Variants in CSNK1G3 observed in about 807,000 individuals in gnomAD.
The protein encoded by CSNK1G3 is casein kinase I isoform gamma-3.
CSNK1G3 carries 23 observed loss-of-function variants against 64.3 expected under a neutral mutation model. The observed-to-expected ratio is 0.36, with a 90% CI of 0.26 to 0.51. The LOEUF (loss-of-function observed/expected upper bound fraction) is 0.51, where lower values mean the gene tolerates loss of function less well. Ranked by LOEUF, CSNK1G3 falls within the 20% of genes least tolerant of loss-of-function variation. The probability of loss-of-function intolerance (pLI) is 0.96; values close to 1 mark genes in which losing one functional copy is unlikely to be tolerated. For missense variants in CSNK1G3, 357 were observed against 510.5 expected (o/e 0.70, Z 2.90); for synonymous variants, 158 against 162.2 (o/e 0.97, Z 0.20).
intron 10 of CSNK1G3, among the ~76,000 whole-genome samples, chr5:123,599,579 A>C (rs1399241844): frequency 6.6e-6 from 1 of 152,238 alleles, no homozygotes; most frequent in Non-Finnish European, 1.5e-5. Flanking sequence ...CTATTGTCTC[A>C]ATTACATTAA....
At chr5:123,564,820 G>A (rs1786509895) in intron 4 of CSNK1G3, among the ~76,000 whole-genome samples, 1 of 152,090 alleles carries the variant, frequency 6.6e-6, no homozygotes, top group South Asian at 2.1e-4. Context: ...GTCTTTTAAT[G>A]GAAGGACTGT....
intron 1 of CSNK1G3, among the ~76,000 whole-genome samples, chr5:123,533,635 T>G (rs1780314055): frequency 6.6e-6 from 1 of 151,684 alleles, no homozygotes; most frequent in South Asian, 2.1e-4. Context: ...AATATTAGGA[T>G]TATTCCCCCA....
intron 10 of CSNK1G3, 34 bp downstream of exon 11, chr5:123,595,168 C>T (rs150847759): frequency 6.3e-7 from 1 of 1,583,354 alleles, no homozygotes; most frequent in East Asian, 2.2e-5. Flanking sequence ...TGATTATTAC[C>T]CAGATTTATA....
At chr5:123,573,371 A>G in intron 4 of CSNK1G3, 22 bp from the exon 5 acceptor site, 2 of 1,609,836 alleles carry the variant, frequency 1.2e-6, no homozygotes, top group Non-Finnish European at 1.7e-6. Flanking sequence ...AAATTATTAA[A>G]TGAGTATTTC....
intron 10 of CSNK1G3, among the ~76,000 whole-genome samples, chr5:123,592,561 A>G (rs1483982993): frequency 2.6e-5 from 4 of 151,956 alleles, no homozygotes; most frequent in Non-Finnish European, 2.9e-5. Context: ...TTCTCTTACA[A>G]TCCATTTTGG....
intron 1 of CSNK1G3, among the ~76,000 whole-genome samples, chr5:123,513,072 A>G (rs972744339): frequency 4.6e-5 from 7 of 151,978 alleles, no homozygotes; most frequent in Admixed American, 1.3e-4. Flanking sequence ...CTCAGGGATA[A>G]ACTTCCCGTT....
intron 5 of CSNK1G3, among the ~76,000 whole-genome samples, chr5:123,574,315 C>T (rs911909769): frequency 1.3e-5 from 2 of 152,196 alleles, no homozygotes; most frequent in Admixed American, 1.3e-4. Context: ...TAGAAGTGTG[C>T]TGCAGAAGTC....
chr5:123,533,813 CT>C (rs920190369), intron 1 of CSNK1G3, among the ~76,000 whole-genome samples: 10 of 149,560 alleles, frequency 6.7e-5, no homozygotes, highest in African/African-American at 2.5e-4. Flanking sequence ...GAGGTTTTTT[CT>C]TTTTTTTATT....
At chr5:123,600,313 T>C (rs1191857710) in intron 10 of CSNK1G3, among the ~76,000 whole-genome samples, 1 of 152,154 alleles carries the variant, frequency 6.6e-6, no homozygotes, top group African/African-American at 2.4e-5. Flanking sequence ...TAATCTTGCT[T>C]ACAAGGTATC....
intron 8 of CSNK1G3, among the ~76,000 whole-genome samples, chr5:123,589,258 A>T (rs189213812): frequency 6.6e-6 from 1 of 152,302 alleles, no homozygotes; most frequent in Non-Finnish European, 1.5e-5. Flanking sequence ...ACATAACAAA[A>T]GTAGCTCTTT....
At chr5:123,553,819 C>T (rs1220562804) in intron 3 of CSNK1G3, among the ~76,000 whole-genome samples, 1 of 152,186 alleles carries the variant, frequency 6.6e-6, no homozygotes, top group Non-Finnish European at 1.5e-5. Flanking sequence ...CCAGGTTTCC[C>T]TGTTTCATTC....
At chr5:123,527,687 C>T (rs773224904) in intron 1 of CSNK1G3, among the ~76,000 whole-genome samples, 2 of 152,054 alleles carry the variant, frequency 1.3e-5, no homozygotes, top group African/African-American at 2.4e-5. Flanking sequence ...TTGAGAAGAA[C>T]GAATATAACT....
intron 4 of CSNK1G3, among the ~76,000 whole-genome samples, chr5:123,568,273 C>T (rs2150587529): frequency 6.6e-6 from 1 of 152,264 alleles, no homozygotes; most frequent in East Asian, 1.9e-4. Flanking sequence ...ATCAGACCAG[C>T]AGCCGAACAC....
chr5:123,595,071 G>T, intron 10 of CSNK1G3: 4 of 1,613,740 alleles, frequency 2.5e-6, no homozygotes. Context: ...GGGACTCCCA[G>T]CAGGCAAATC....
At chr5:123,570,107 G>A (rs1360204369) in intron 4 of CSNK1G3, among the ~76,000 whole-genome samples, 1 of 152,032 alleles carries the variant, frequency 6.6e-6, no homozygotes, top group African/African-American at 2.4e-5. Flanking sequence ...GCCCAACCCA[G>A]TCCCATAAAG....
intron 5 of CSNK1G3, 138 bp from the exon 6 acceptor site, chr5:123,575,588 ACAT>A: frequency 1.6e-6 from 1 of 607,598 alleles, no homozygotes; most frequent in Non-Finnish European, 3.0e-6. Context: ...TGATAGGCTG[ACAT>A]CATTTTACTT....
At chr5:123,551,317 A>G (rs1362769742) in intron 2 of CSNK1G3, among the ~76,000 whole-genome samples, 2 of 152,230 alleles carry the variant, frequency 1.3e-5, no homozygotes, top group African/African-American at 4.8e-5. Context: ...TTGAAAATGT[A>G]TATGAAGGCA....
chr5:123,537,512 G>A (rs1781034424), intron 1 of CSNK1G3, among the ~76,000 whole-genome samples: 1 of 152,068 alleles, frequency 6.6e-6, no homozygotes, highest in Non-Finnish European at 1.5e-5. Flanking sequence ...AAAGCCCTGA[G>A]GTTGACCATA....
At chr5:123,525,782 A>G (rs112693062) in intron 1 of CSNK1G3, among the ~76,000 whole-genome samples, 6,769 of 151,954 alleles carry the variant, frequency 0.045, 236 homozygotes, top group African/African-American at 0.09. Flanking sequence ...TCACGAGGTC[A>G]GGAGATCGAG....
Sources: gnomAD v4.1 joint callset for allele counts (sites outside exome capture counted in the v4.1 genomes callset) on GRCh38, gnomAD v4.1.1 for gene constraint, MANE v1.5 for transcripts, NCBI Gene and HGNC (gene_info 2026-07-23, HGNC 2026-07-21) for gene names.